Variants in RNF126 observed in about 807,000 individuals in gnomAD.
The protein encoded by RNF126 is E3 ubiquitin-protein ligase RNF126.
A neutral mutation model predicts 41.9 loss-of-function variants in RNF126; 20 were observed. That is an observed-to-expected ratio of 0.48 (90% CI 0.34 to 0.69). The LOEUF (loss-of-function observed/expected upper bound fraction) is 0.69. RNF126 is among the 30% of genes least tolerant of loss of function. RNF126 has a pLI of 0.01. For synonymous variants in RNF126, 239 were observed against 202.9 expected (o/e 1.18, Z -1.51); for missense variants, 433 against 460.6 (o/e 0.94, Z 0.55).
At chr19:662,319 T>G (rs938179680) in intron 1 of RNF126, among the ~76,000 whole-genome samples, 2 of 152,048 alleles carry the variant, frequency 1.3e-5, no homozygotes, top group Non-Finnish European at 2.9e-5. Context: ...GAGCAGGAAG[T>G]AGCACTCGGC....
chr19:651,466 G>C (rs898273714), intron 4 of RNF126, 145 bp downstream of exon 4: 2 of 744,772 alleles, frequency 2.7e-6, no homozygotes, highest in African/African-American at 3.8e-5. Flanking sequence ...GGAGTCACAG[G>C]GGGCTGGAGG....
chr19:649,420 T>C (rs956176715), intron 6 of RNF126: 8 of 527,916 alleles, frequency 1.5e-5, no homozygotes, highest in Middle Eastern at 5.0e-4. Context: ...CTCCTGACCA[T>C]GTGACTGTGG....
At chr19:652,653 A>T in intron 2 of RNF126, 173 bp downstream of exon 2, 1 of 647,498 alleles carries the variant, frequency 1.5e-6, no homozygotes. Flanking sequence ...CCCGGCCATC[A>T]CAGAAGAGAA....
Position 651,924 on chromosome 19 carries a change from C to G in RNF126, c.199-69G>C, listed in dbSNP as rs766793901. On this transcript the variant is annotated intron_variant, in intron 3 of 8. Coordinates refer to ENST00000292363, the MANE Select transcript of RNF126 (RefSeq NM_194460.3). ...GCAGTCTGCTGGGGGCGCTAGGGCA[C>G]AAAGACAAAGGAGAAAGCAAGACGG... is the stretch of plus-strand genomic sequence containing the variant. The G allele has an allele frequency of 7.7e-6, 11 of 1,424,434 alleles. No homozygotes were observed. The Admixed American group carries it at 1.6e-4, about 21-fold the overall frequency. The allele number at this position is 1,424,434 out of a possible 1,614,324, so 88.2% of individuals were successfully genotyped here.
chr19:651,700 G>C lies in RNF126; in HGVS notation c.354C>G (p.Ser118=). The C allele has an allele frequency of 6.2e-7, 1 of 1,603,828 alleles. No individual in the cohort carries two copies. Among genetic ancestry groups the C allele is most frequent in the Non-Finnish European group, 8.5e-7 (1 of 1,176,022 alleles). Residue 118 remains serine (S), a synonymous_variant, in exon 4 of 9, where the codon TCC becomes TCG. Transcript: ENST00000292363. ...PESRRERDHP[S]RHRYGARQPR... ...GCTGTCGGGCGCCGTACCGGTGCCG[G>C]GACGGATGGTCTCTCTCCCGCCGGC...
chr19:660,173 G>C (rs2030735515), intron 1 of RNF126, among the ~76,000 whole-genome samples: 1 of 152,260 alleles, frequency 6.6e-6, no homozygotes, highest in African/African-American at 2.4e-5. Flanking sequence ...GTCACCAGGA[G>C]AGCGGCCAGG....
At chr19:650,444 G>GTC in intron 4 of RNF126, 148 bp from the exon 5 acceptor site, 1 of 681,482 alleles carries the variant, frequency 1.5e-6, no homozygotes, top group Non-Finnish European at 2.5e-6. Flanking sequence ...ATGAGCCAGG[G>GTC]TCTCACTCTA....
chr19:662,111 G>A (rs1209009013), intron 1 of RNF126, among the ~76,000 whole-genome samples: 2 of 152,130 alleles, frequency 1.3e-5, no homozygotes, highest in Admixed American at 6.6e-5. Flanking sequence ...TTGAGCCCAG[G>A]AGTTCAAGAC....
intron 4 of RNF126, 141 bp downstream of exon 4, chr19:651,470 C>A: frequency 1.3e-6 from 1 of 787,910 alleles, no homozygotes; most frequent in Non-Finnish European, 1.8e-6. Context: ...TCACAGGGGG[C>A]TGGAGGGCCT....
chr19:649,557 G>A, intron 6 of RNF126, 122 bp downstream of exon 6: 1 of 745,630 alleles, frequency 1.3e-6, no homozygotes, highest in Non-Finnish European at 2.2e-6. Flanking sequence ...GAGCGTGGAG[G>A]CTGTGCCCGC....
Position 648,220 on chromosome 19 carries a change from G to T in RNF126, c.844C>A (p.Pro282Thr). The change falls in exon 9 of 9, where the codon CCC (proline) becomes ACC (threonine). Residue 282 changes from proline to threonine, a missense_variant. Physicochemically the swap from Pro to Thr is conservative, Grantham distance 38. This residue lies in a region of RNF126 where 63 missense variants were observed against 47.9 expected (regional missense o/e 1.32). Coordinates refer to ENST00000292363, the MANE Select transcript of RNF126 (RefSeq NM_194460.3). ...SLTGQNTATNPPGLTGVSFSS... is the reference protein window; with the variant it reads ...SLTGQNTATNTPGLTGVSFSS... ...AAGCTCACCCCAGTGAGGCCAGGGGGGTTCGTGGCCGTGTTCTGTCCCGTG... is the reference window on the plus strand; with the variant it reads ...AAGCTCACCCCAGTGAGGCCAGGGGTGTTCGTGGCCGTGTTCTGTCCCGTG... 1 of 1,602,276 alleles carries T rather than the reference G, an allele frequency of 6.2e-7. No individual in the cohort carries two copies. Among genetic ancestry groups the T allele is most frequent in the South Asian group, 1.1e-5 (1 of 89,104 alleles).
chr19:655,983 G>C (rs1406728101), intron 1 of RNF126, among the ~76,000 whole-genome samples: 1 of 152,074 alleles, frequency 6.6e-6, no homozygotes, highest in Non-Finnish European at 1.5e-5. Flanking sequence ...GAAATGTCCA[G>C]GACAGGCCGA....
chr19:652,445 A>G, intron 2 of RNF126, 149 bp from the exon 3 acceptor site: 1 of 708,460 alleles, frequency 1.4e-6, no homozygotes. Context: ...TGGTGCCGTA[A>G]CCCGCTGCTG....
rs147513802 is a variant in RNF126, at chr19:653,125, G to A, written c.76-241C>T. On this transcript the variant is annotated intron_variant, in intron 1 of 8. Transcript: ENST00000292363. ...TGAGCCCCTCCGACCTGGCCCCACCGTGACGGGCGTCACCAGCGTCATCAG... is the reference window on the plus strand; with the variant it reads ...TGAGCCCCTCCGACCTGGCCCCACCATGACGGGCGTCACCAGCGTCATCAG... 3.4e-3 allele frequency among the ~76,000 whole-genome samples: 506 copies of A among 149,916 alleles called. 1 individual carries two copies. Among genetic ancestry groups the A allele is most frequent in the Middle Eastern group, 6.9e-3 (2 of 290 alleles).
chr19:653,466 C>T (rs925693158), intron 1 of RNF126, among the ~76,000 whole-genome samples: 12 of 152,342 alleles, frequency 7.9e-5, no homozygotes, highest in South Asian at 6.2e-4. Context: ...CCCAAAACCA[C>T]GTTCACAGTT....
Position 648,874 on chromosome 19 carries a change from T to C in RNF126, c.670+8A>G. ...ATTCCCACTACTCGGGAGGCTGAGC[T>C]CTCATACCTACGTGCTCCTCAGTGA... On this transcript the variant is annotated splice_region_variant and intron_variant, in intron 7 of 8. Coordinates refer to ENST00000292363, the MANE Select transcript of RNF126 (RefSeq NM_194460.3). The C allele has an allele frequency of 1.4e-6, 2 of 1,435,060 alleles. No individual in the cohort carries two copies. Among genetic ancestry groups the C allele is most frequent in the South Asian group, 1.6e-5 (1 of 61,560 alleles). 88.9% of individuals were successfully genotyped at this position (1,435,060 alleles called of 1,614,324 possible).
intron 1 of RNF126, among the ~76,000 whole-genome samples, chr19:660,190 C>T (rs2030736161): frequency 6.6e-6 from 1 of 152,256 alleles, no homozygotes; most frequent in Non-Finnish European, 1.5e-5. Flanking sequence ...CAGGTGCCGG[C>T]CACTCTGCAC....
At chr19:655,794 C>G (rs754431578) in intron 1 of RNF126, among the ~76,000 whole-genome samples, 2 of 152,122 alleles carry the variant, frequency 1.3e-5, no homozygotes, top group Admixed American at 6.6e-5. Flanking sequence ...TCATCGTCGT[C>G]GGCAGATGCA....
intron 1 of RNF126, among the ~76,000 whole-genome samples, chr19:656,143 A>AG (rs1037336344): frequency 2.0e-5 from 3 of 152,236 alleles, no homozygotes; most frequent in South Asian, 2.1e-4. Context: ...CTTTATGAAT[A>AG]TACTACAAAC....
Sources: allele counts gnomAD v4.1 joint callset (sites outside exome capture counted in the v4.1 genomes callset), GRCh38; gene constraint gnomAD v4.1.1; regional missense constraint gnomAD v4.1.1; transcripts MANE v1.5; gene names NCBI Gene and HGNC (gene_info 2026-07-23, HGNC 2026-07-21).